Variants in SHLD1 observed in about 807,000 individuals in gnomAD.
The protein encoded by SHLD1 is shieldin complex subunit 1, also known as RINN1-REV7-interacting novel NHEJ regulator 3.
In SHLD1, 3 loss-of-function variants were observed where a neutral mutation model predicts 5.5. The ratio of observed to expected loss-of-function variants is 0.54; its 90% confidence interval spans 0.25 to 1.40. The LOEUF is 1.40. Among genes scored for constraint, SHLD1 ranks in the 40% most tolerant of loss-of-function variants. The pLI is 0.15. For synonymous variants in SHLD1, 92 were observed against 94.3 expected (o/e 0.98, Z 0.14); for missense variants, 210 against 244.4 (o/e 0.86, Z 0.94).
chr20:5,778,360 C>G lies in SHLD1; in HGVS notation c.178+5317C>G, dbSNP rs1985536201. ...GCCAGGATGGTCTCGATCTCCTGACCTTGTGATCCGCTTGAGAGGATCCCT... is the reference window on the plus strand; with the variant it reads ...GCCAGGATGGTCTCGATCTCCTGACGTTGTGATCCGCTTGAGAGGATCCCT... On this transcript the variant is annotated intron_variant, in intron 2 of 2. Transcript: ENST00000303142. Among the ~76,000 whole-genome samples the G allele has an allele frequency of 5.3e-5, 8 of 150,574 alleles. No homozygotes were observed. In the South Asian group the frequency reaches 1.7e-3, roughly 32 times the overall value.
intron 1 of SHLD1, among the ~76,000 whole-genome samples, chr20:5,761,285 T>G (rs1600091625): frequency 6.6e-6 from 1 of 152,040 alleles, no homozygotes; most frequent in East Asian, 1.9e-4. Flanking sequence ...AAGAGAGCAT[T>G]AAGACAAATA....
intron 2 of SHLD1, among the ~76,000 whole-genome samples, chr20:5,813,096 G>A (rs2087481674): frequency 6.6e-6 from 1 of 151,886 alleles, no homozygotes; most frequent in African/African-American, 2.4e-5. Context: ...GGCTGCTCTA[G>A]AACTTCTGGG....
At chr20:5,808,444 C>T (rs1412192100) in intron 2 of SHLD1, among the ~76,000 whole-genome samples, 1 of 152,170 alleles carries the variant, frequency 6.6e-6, no homozygotes, top group Non-Finnish European at 1.5e-5. Context: ...GCACGTATAT[C>T]TTTTTTTCTA....
At chr20:5,850,112 C>CAATAATAAT (rs113975793) in intron 2 of SHLD1, among the ~76,000 whole-genome samples, 32,333 of 129,842 alleles carry the variant, frequency 0.25, 4,760 homozygotes, top group Non-Finnish European at 0.32. Context: ...GACCCCGTCT[C>CAATAATAAT]AATAATAATA....
At chr20:5,842,988 G>C (rs2122472385) in intron 2 of SHLD1, among the ~76,000 whole-genome samples, 1 of 152,244 alleles carries the variant, frequency 6.6e-6, no homozygotes, top group South Asian at 2.1e-4. Flanking sequence ...GCCAATATCT[G>C]AAGCCACCAT....
At chr20:5,755,188 G>C (rs1160299575) in intron 1 of SHLD1, among the ~76,000 whole-genome samples, 1 of 152,190 alleles carries the variant, frequency 6.6e-6, no homozygotes, top group Non-Finnish European at 1.5e-5. Context: ...TCTCTTACAA[G>C]GCCTTAAAAG....
At position 5,818,055 on chromosome 20, in the gene SHLD1, T is replaced by G. The variant is rs189592740; in HGVS notation, c.179-44969T>G. Among the ~76,000 whole-genome samples, 43 of 152,160 alleles carry G rather than the reference T, an allele frequency of 2.8e-4. No homozygotes were observed. In the East Asian group the frequency reaches 7.5e-3, roughly 27 times the overall value. ...GTTTTTTGTCCAGTTTTCTTTTCTT[T>G]TTCTCCTTTTTTTCTTTTTCTTTCT... On this transcript the variant is annotated intron_variant, in intron 2 of 2. Coordinates refer to ENST00000303142, the MANE Select transcript of SHLD1 (RefSeq NM_152504.4).
In SHLD1 at chr20:5,863,625, G is replaced by A; in HGVS notation, c.*162G>A. On this transcript the variant is annotated 3_prime_UTR_variant, in exon 3 of 3. Transcript: ENST00000303142. Reference sequence around the variant, plus strand: ...CTGGCACCTGTGACCTGGTATTGGAGCCAGTCAGCCCATATGGAGAGCCAG... The same window carrying A: ...CTGGCACCTGTGACCTGGTATTGGAACCAGTCAGCCCATATGGAGAGCCAG... 2 of 684,342 alleles carry A rather than the reference G, an allele frequency of 2.9e-6. No individual in the cohort carries two copies. The highest frequency in any genetic ancestry group is 4.8e-6 in the Non-Finnish European group (2 of 420,968). 42.4% of individuals were successfully genotyped at this position (684,342 alleles called of 1,614,324 possible). A position where few individuals can be genotyped will look rare whatever the true frequency, so the allele number is the denominator to read the frequency against.
chr20:5,785,745 G>A (rs1448017773), intron 2 of SHLD1, among the ~76,000 whole-genome samples: 8 of 147,326 alleles, frequency 5.4e-5, no homozygotes, highest in Middle Eastern at 3.6e-3. Flanking sequence ...GCAGTGAGCC[G>A]AGACTGTGCC....
At chr20:5,846,537 A>T (rs1217354214) in intron 2 of SHLD1, among the ~76,000 whole-genome samples, 1 of 152,218 alleles carries the variant, frequency 6.6e-6, no homozygotes, top group Non-Finnish European at 1.5e-5. Context: ...AGGATATGAA[A>T]CAAATCTACT....
intron 2 of SHLD1, among the ~76,000 whole-genome samples, chr20:5,827,694 G>A (rs1390212271): frequency 1.3e-5 from 2 of 152,136 alleles, no homozygotes; most frequent in Non-Finnish European, 2.9e-5. Flanking sequence ...TTCCCTCCTA[G>A]GCCTGGAGAA....
At chr20:5,853,470 C>A (rs901764494) in intron 2 of SHLD1, among the ~76,000 whole-genome samples, 2 of 151,972 alleles carry the variant, frequency 1.3e-5, no homozygotes, top group Admixed American at 6.6e-5. Flanking sequence ...AAATAATAAA[C>A]AAATCGTGTG....
intron 1 of SHLD1, among the ~76,000 whole-genome samples, chr20:5,750,837 TA>T (rs369569631): frequency 4.0e-5 from 6 of 151,310 alleles, no homozygotes; most frequent in African/African-American, 9.7e-5. Context: ...ATTTAAAGCG[TA>T]AAAAAAAATC....
chr20:5,767,715 A>T (rs1984921045), intron 1 of SHLD1, among the ~76,000 whole-genome samples: 1 of 152,234 alleles, frequency 6.6e-6, no homozygotes, highest in Non-Finnish European at 1.5e-5. Flanking sequence ...GGTGCCAGCT[A>T]TCATAAGAGT....
Position 5,856,062 on chromosome 20 carries a change from G to A in SHLD1, c.179-6962G>A, listed in dbSNP as rs2088079492. ...GATCTACTTGTATATGTGTATACTTGTAGTATGACACAGATCTCTGGGTAA... is the reference window on the plus strand; with the variant it reads ...GATCTACTTGTATATGTGTATACTTATAGTATGACACAGATCTCTGGGTAA... On this transcript the variant is annotated intron_variant, in intron 2 of 2. Coordinates refer to ENST00000303142, the MANE Select transcript of SHLD1 (RefSeq NM_152504.4). Among the ~76,000 whole-genome samples the A allele has an allele frequency of 2.6e-5, 4 of 152,206 alleles. No individual in the cohort carries two copies. In the South Asian group the frequency reaches 8.3e-4, roughly 31 times the overall value.
intron 2 of SHLD1, among the ~76,000 whole-genome samples, chr20:5,805,300 G>A (rs2087357836): frequency 1.3e-5 from 2 of 152,090 alleles, no homozygotes; most frequent in Non-Finnish European, 2.9e-5. Context: ...TGGGATTACA[G>A]GCATGTGCCA....
intron 1 of SHLD1, among the ~76,000 whole-genome samples, chr20:5,750,911 C>T (rs1247066123): frequency 1.3e-5 from 2 of 152,110 alleles, no homozygotes; most frequent in Non-Finnish European, 2.9e-5. Flanking sequence ...GTGGGAGAAT[C>T]GCTTGTGCCC....
chr20:5,798,328 G>T (rs1389049093), intron 2 of SHLD1, among the ~76,000 whole-genome samples: 1 of 150,340 alleles, frequency 6.7e-6, no homozygotes, highest in Non-Finnish European at 1.5e-5. Context: ...TTTTTGAGAC[G>T]AAGTCTTTCT....
intron 1 of SHLD1, chr20:5,756,673 T>TTTTCTTTC (rs201476554): frequency 6.5e-6 from 1 of 153,508 alleles, no homozygotes; most frequent in Non-Finnish European, 1.4e-5. Context: ...AGGATTTTCA[T>TTTTCTTTC]TTTCTTTCTT....
Sources: gnomAD v4.1 joint callset for allele counts (sites outside exome capture counted in the v4.1 genomes callset) on GRCh38, gnomAD v4.1.1 for gene constraint, MANE v1.5 for transcripts, NCBI Gene and HGNC (gene_info 2026-07-23, HGNC 2026-07-21) for gene names.